Variants in PRMT9 observed in about 807,000 individuals in gnomAD.
The protein encoded by PRMT9 is protein arginine methyltransferase 9, also known as protein arginine N-methyltransferase 9.
In PRMT9, 59 loss-of-function variants were observed where a neutral mutation model predicts 83.2. That is an observed-to-expected ratio of 0.71 (90% CI 0.57 to 0.88). The LOEUF is 0.88. Ranked by LOEUF, PRMT9 falls within the 40% of genes least tolerant of loss-of-function variation. The pLI, the probability that PRMT9 is intolerant of heterozygous loss-of-function variation, is 0.00. For missense variants in PRMT9, 947 were observed against 1,021.9 expected, an observed-to-expected ratio of 0.93 and a Z score of 1.00; for synonymous variants, 333 against 353.2, an observed-to-expected ratio of 0.94 and a Z score of 0.64.
chr4:147,669,227 G>GA (rs894964462), intron 5 of PRMT9, among the ~76,000 whole-genome samples: 9 of 31,588 alleles, frequency 2.8e-4, no homozygotes, highest in African/African-American at 5.5e-4. Context: ...TGTCTCTACA[G>GA]AAAAAAAATG....
chr4:147,646,686 G>A (rs1479188881), intron 9 of PRMT9, among the ~76,000 whole-genome samples: 1 of 151,958 alleles, frequency 6.6e-6, no homozygotes, highest in Admixed American at 6.6e-5. Flanking sequence ...GGTGCAGGGA[G>A]GAGGTTCCCA....
Position 147,683,957 on chromosome 4 carries a change from C to T in PRMT9, c.31G>A (p.Asp11Asn). The change falls in exon 1 of 12, where the codon GAC (aspartate) becomes AAC (asparagine). Residue 11 changes from aspartate to asparagine, a missense_variant. Physicochemically the swap from Asp to Asn is conservative, Grantham distance 23. Coordinates refer to ENST00000322396, the MANE Select transcript of PRMT9 (RefSeq NM_138364.4). MSNSRPRSRRDAGGGAGAAGR... is the reference protein window; with the variant it reads MSNSRPRSRRNAGGGAGAAGR... ...GCTGCCCCAGCGCCACCCCCGGCGT[C>T]TCGGCGGGACCTGGGCCGCGAGTTC... The T allele has an allele frequency of 6.2e-7, 1 of 1,612,940 alleles. No individual in the cohort carries two copies. The highest frequency in any genetic ancestry group is 1.1e-5 in the South Asian group (1 of 91,074).
Position 147,677,000 on chromosome 4 carries a change from T to A in PRMT9, c.339-3126A>T, listed in dbSNP as rs574510752. On this transcript the variant is annotated intron_variant, in intron 2 of 11. Transcript: ENST00000322396. ...CGGAGGTTGCAGTGAGCTGAGATCC[T>A]GCCACTGCACTCCAGCCTGGGTGAC... Among the ~76,000 whole-genome samples the A allele has an allele frequency of 2.1e-5, 3 of 144,586 alleles. No individual in the cohort carries two copies. The South Asian group carries it at 6.5e-4, about 31-fold the overall frequency. 94.9% of individuals were successfully genotyped at this position (144,586 alleles called of 152,430 possible).
intron 1 of PRMT9, among the ~76,000 whole-genome samples, chr4:147,682,160 C>T (rs1736513577): frequency 6.6e-6 from 1 of 152,082 alleles, no homozygotes; most frequent in African/African-American, 2.4e-5. Context: ...CACATGCCAC[C>T]ACGCCCAGCT....
Position 147,638,701 on chromosome 4 carries a change from T to C in PRMT9, c.2369A>G (p.Tyr790Cys). The C allele has an allele frequency of 6.2e-7, 1 of 1,613,720 alleles. No homozygotes were observed. Among genetic ancestry groups the C allele is most frequent in the Non-Finnish European group, 8.5e-7 (1 of 1,179,736 alleles). ...AATCTCTTCATCAAGGTACATATGA[T>C]ACCAAAATGGAATAGCAGTCAGTCT... ...SGRLTAIPFW[Y>C]HMYLDEEIRL... Residue 790 changes from tyrosine (Y) to cysteine (C), a missense_variant, in exon 12 of 12, where the codon TAT becomes TGT. Coordinates refer to ENST00000322396, the MANE Select transcript of PRMT9 (RefSeq NM_138364.4).
Position 147,673,033 on chromosome 4 carries a change from G to A in PRMT9, c.669C>T (p.Asn223=), listed in dbSNP as rs146529927. The A allele has an allele frequency of 6.8e-6, 11 of 1,613,878 alleles. No individual in the cohort carries two copies. Among genetic ancestry groups the A allele is most frequent in the East Asian group, 2.2e-5 (1 of 44,850 alleles). Residue 223 remains asparagine, a synonymous_variant, in exon 4 of 12, where the codon AAC becomes AAT. Transcript: ENST00000322396. ...YELACDVVAA[N]KMEAGIKLLH... is the part of the protein sequence containing the mutation. ...AGAGTTTGATCCCTGCTTCCATCTTGTTTGCTGCCACGACATCACAGGCAA... is the reference window on the plus strand; with the variant it reads ...AGAGTTTGATCCCTGCTTCCATCTTATTTGCTGCCACGACATCACAGGCAA...
intron 2 of PRMT9, among the ~76,000 whole-genome samples, chr4:147,677,577 C>A (rs777412866): frequency 6.6e-6 from 1 of 151,620 alleles, no homozygotes; most frequent in Non-Finnish European, 1.5e-5. Flanking sequence ...CCTCAGCCTC[C>A]CGAGTAGCTG....
intron 6 of PRMT9, among the ~76,000 whole-genome samples, chr4:147,667,271 C>T (rs1002399179): frequency 3.9e-5 from 6 of 152,286 alleles, no homozygotes; most frequent in African/African-American, 1.4e-4. Flanking sequence ...GTTTATCCTA[C>T]TTCTTAAAAG....
intron 1 of PRMT9, among the ~76,000 whole-genome samples, chr4:147,681,112 T>C (rs1446665191): frequency 4.6e-5 from 7 of 152,266 alleles, no homozygotes; most frequent in Non-Finnish European, 1.0e-4. Flanking sequence ...CATACTCCTC[T>C]GACACAGGCT....
chr4:147,674,459 G>C (rs1405790555), intron 2 of PRMT9, among the ~76,000 whole-genome samples: 1 of 151,734 alleles, frequency 6.6e-6, no homozygotes, highest in Non-Finnish European at 1.5e-5. Flanking sequence ...TTAAAATTAA[G>C]TACTATTTAA....
intron 1 of PRMT9, among the ~76,000 whole-genome samples, chr4:147,682,256 CACA>C (rs1736526014): frequency 6.6e-6 from 1 of 151,974 alleles, no homozygotes; most frequent in Admixed American, 6.6e-5. Flanking sequence ...CTCGGCTCAC[CACA>C]ACCTCTGCCT....
At chr4:147,639,793 G>C (rs2126564144) in intron 10 of PRMT9, among the ~76,000 whole-genome samples, 1 of 152,150 alleles carries the variant, frequency 6.6e-6, no homozygotes, top group South Asian at 2.1e-4. Context: ...CCTTGTATAA[G>C]GCGAAACAGG....
chr4:147,657,863 T>C lies in PRMT9; in HGVS notation c.1259A>G (p.His420Arg), dbSNP rs776220581. 4 of 1,610,850 alleles carry C rather than the reference T, an allele frequency of 2.5e-6. No homozygotes were observed. The highest frequency in any genetic ancestry group is 1.1e-5 in the South Asian group (1 of 90,848). ...CTCACTAGGACTTGTGGATAAACTA[T>C]GTTCATCATCAAGCTGGAGCACAAA... ...VWFVLQLDDE[H>R]SLSTSPSEET... is the part of the protein sequence containing the mutation. Residue 420 changes from histidine (H) to arginine (R), a missense_variant, in exon 8 of 12, where the codon CAT becomes CGT. Physicochemically the swap from His to Arg is conservative, Grantham distance 29 (BLOSUM62 0). Coordinates refer to ENST00000322396, the MANE Select transcript of PRMT9 (RefSeq NM_138364.4).
intron 10 of PRMT9, among the ~76,000 whole-genome samples, chr4:147,642,170 A>G (rs1485765635): frequency 6.6e-6 from 1 of 151,808 alleles, no homozygotes; most frequent in Non-Finnish European, 1.5e-5. Context: ...GACAAAGACC[A>G]CTCTTTTTCA....
chr4:147,681,514 C>T (rs1260969675), intron 1 of PRMT9, among the ~76,000 whole-genome samples: 3 of 152,196 alleles, frequency 2.0e-5, no homozygotes, highest in South Asian at 2.1e-4. Flanking sequence ...TGGCCGGGCA[C>T]GGTGGCTCAT....
Position 147,642,843 on chromosome 4 carries a change from G to T in PRMT9, c.2143C>A (p.Gln715Lys). The change falls in exon 10 of 12, where the codon CAA (glutamine) becomes AAA (lysine). Residue 715 changes from glutamine (Q) to lysine (K), a missense_variant. Coordinates refer to ENST00000322396, the MANE Select transcript of PRMT9 (RefSeq NM_138364.4). Reference protein sequence around the residue: ...SQTLLEENAVQGTERTLGLNI... With the variant: ...SQTLLEENAVKGTERTLGLNI... ...AATCCAAGAGTACGTTCTGTTCCTT[G>T]AACAGCATTCTCCTCTAGGAGTGTC... is the stretch of plus-strand genomic sequence containing the variant. 6.2e-7 allele frequency: 1 copy of T among 1,613,790 alleles called. No homozygotes were observed. The highest frequency in any genetic ancestry group is 8.5e-7 in the Non-Finnish European group (1 of 1,179,700).
chr4:147,640,426 A>G (rs572242464), intron 10 of PRMT9, among the ~76,000 whole-genome samples: 1 of 151,892 alleles, frequency 6.6e-6, no homozygotes, highest in Non-Finnish European at 1.5e-5. Context: ...CAAGCTCATA[A>G]CTTTATGAGT....
intron 6 of PRMT9, among the ~76,000 whole-genome samples, chr4:147,666,032 T>G (rs28584521): frequency 0.059 from 8,962 of 152,234 alleles, 864 homozygotes; most frequent in African/African-American, 0.2. Flanking sequence ...CAAATCAAGC[T>G]ACTAAAATGT....
In PRMT9 at chr4:147,668,600, G is replaced by T. The variant is rs756490708; in HGVS notation, c.892C>A (p.Pro298Thr). 3.1e-6 allele frequency: 5 copies of T among 1,612,256 alleles called. No individual in the cohort carries two copies. Among genetic ancestry groups the T allele is most frequent in the Non-Finnish European group, 4.2e-6 (5 of 1,178,892 alleles). Reference protein sequence around the residue: ...ANCEKYGKVIPASAVIFGMAV... With the variant: ...ANCEKYGKVITASAVIFGMAV... Reference sequence around the variant, plus strand: ...ATCCCAAATATAACAGCACTTGCTGGTATAACTTTCCCATACTTTTCACAA... The same window carrying T: ...ATCCCAAATATAACAGCACTTGCTGTTATAACTTTCCCATACTTTTCACAA... The change falls in exon 6 of 12, where the codon CCA (proline) becomes ACA (threonine). Residue 298 changes from proline (P) to threonine (T), a missense_variant. Coordinates refer to ENST00000322396, the MANE Select transcript of PRMT9 (RefSeq NM_138364.4).
Sources: gnomAD v4.1 joint callset for allele counts (sites outside exome capture counted in the v4.1 genomes callset) on GRCh38, gnomAD v4.1.1 for gene constraint, MANE v1.5 for transcripts, NCBI Gene and HGNC (gene_info 2026-07-23, HGNC 2026-07-21) for gene names.